Variants in GCC2 observed in about 807,000 individuals in gnomAD.
The protein encoded by GCC2 is GRIP and coiled-coil domain containing 2, also known as GRIP and coiled-coil domain-containing protein 2.
Under a neutral mutation model 210.6 loss-of-function variants are expected in GCC2, and 120 were observed. The observed-to-expected ratio is 0.57, with a 90% confidence interval of 0.49 to 0.66. The LOEUF is 0.66. GCC2 is among the 30% of genes least tolerant of loss of function. The pLI, the probability that GCC2 is intolerant of heterozygous loss-of-function variation, is 0.00. For missense variants in GCC2, 1,868 were observed against 1,871.9 expected (o/e 1.00, Z 0.04); for synonymous variants, 703 against 652.7 (o/e 1.08, Z -1.17).
intron 9 of GCC2, among the ~76,000 whole-genome samples, chr2:108,476,766 A>G (rs1681551342): frequency 6.6e-6 from 1 of 152,202 alleles, no homozygotes; most frequent in South Asian, 2.1e-4. Context: ...TTGGAGGTCA[A>G]CCAAATAGAC....
At chr2:108,501,776 C>T (rs995854678) in intron 22 of GCC2, among the ~76,000 whole-genome samples, 30 of 152,100 alleles carry the variant, frequency 2.0e-4, no homozygotes, top group African/African-American at 7.0e-4. Context: ...CCTTGAGAAC[C>T]CCTGGTCTAG....
At chr2:108,481,856 G>A (rs1164199289) in intron 10 of GCC2, 40 bp downstream of exon 10, 1 of 1,405,166 alleles carries the variant, frequency 7.1e-7, no homozygotes, top group Non-Finnish European at 9.7e-7. Flanking sequence ...ACTATAACAG[G>A]TATATTTTAA....
intron 7 of GCC2, among the ~76,000 whole-genome samples, chr2:108,474,472 A>G (rs914728371): frequency 7.9e-5 from 12 of 152,246 alleles, no homozygotes; most frequent in Admixed American, 2.0e-4. Context: ...TGTCCATGAC[A>G]TGCTGGAACC....
Position 108,492,662 on chromosome 2 carries a change from G to T in GCC2, c.4319G>T (p.Arg1440Leu). The T allele has an allele frequency of 3.1e-6, 5 of 1,613,906 alleles. No individual in the cohort carries two copies. The highest frequency in any genetic ancestry group is 3.4e-6 in the Non-Finnish European group (4 of 1,179,786). ...CTAACATCCCAGAACGAGGTCCTTC[G>T]AAATAGCTTCCGAGATCAAGTGCGA... ...SQLTSQNEVL[R>L]NSFRDQVRHL... Residue 1440 changes from arginine to leucine, a missense_variant, in exon 19 of 23, where the codon CGA (arginine) becomes CTA (leucine). By Grantham distance (102) the Arg-to-Leu change is moderately radical. Coordinates refer to ENST00000309863, the MANE Select transcript of GCC2 (RefSeq NM_181453.4).
rs11450108 is a variant in GCC2 at position 108,473,996 on chromosome 2, C to CAA, written c.2860+1108_2860+1109dup. Among the ~76,000 whole-genome samples, 127 of 145,966 alleles carry CAA rather than the reference C, an allele frequency of 8.7e-4. 1 individual carries two copies. The highest frequency in any genetic ancestry group is 5.6e-3 in the South Asian group (26 of 4,628). ...GTGAAACCCTGTCTCTACTAAAAATCAAAAAAAAAAAATTAGCCGGGCGTT... is the reference window on the plus strand; with the variant it reads ...GTGAAACCCTGTCTCTACTAAAAATCAAAAAAAAAAAAAATTAGCCGGGCGTT... On this transcript the variant is annotated intron_variant, in intron 7 of 22. Transcript: ENST00000309863.
At chr2:108,468,096 C>T (rs1195741816) in intron 4 of GCC2, among the ~76,000 whole-genome samples, 1 of 149,942 alleles carries the variant, frequency 6.7e-6, no homozygotes, top group South Asian at 2.1e-4. Flanking sequence ...TAGTCTTGCT[C>T]TGTCACCCAG....
chr2:108,461,999 A>ATT (rs527454034), intron 4 of GCC2, among the ~76,000 whole-genome samples: 36 of 133,844 alleles, frequency 2.7e-4, no homozygotes, highest in African/African-American at 6.3e-4. Context: ...CCCCCAGCTA[A>ATT]TTTTTTTTTT....
intron 9 of GCC2, among the ~76,000 whole-genome samples, chr2:108,477,920 C>T (rs967682503): frequency 1.3e-5 from 2 of 152,134 alleles, no homozygotes; most frequent in African/African-American, 4.8e-5. Flanking sequence ...GTGGCACACA[C>T]CTGTAGTCCT....
intron 4 of GCC2, among the ~76,000 whole-genome samples, chr2:108,461,987 C>T (rs1323905932): frequency 1.5e-5 from 2 of 137,018 alleles, no homozygotes; most frequent in East Asian, 3.1e-4. Context: ...CGCCCACCAC[C>T]GCCCCCAGCT....
rs1481167189 is a variant in GCC2 at position 108,475,785 on chromosome 2, C to T, written c.2995C>T (p.Arg999Ter). ...TGTGAAGGAAGAACTTGAATCTCTT[C>T]GATCAGAAAAGGACCAGTTATCTGC... ...QTVKEELESL[R>*]SEKDQLSASM... is the part of the protein sequence containing the mutation. The change falls in exon 9 of 23, where the codon CGA (arginine) becomes TGA (stop). Residue 999 changes from arginine (R) to a stop codon, truncating the protein, a stop_gained. Transcript: ENST00000309863. LOFTEE classifies it high-confidence loss of function. 4 of 1,605,978 alleles carry T rather than the reference C, an allele frequency of 2.5e-6. No individual in the cohort carries two copies. The highest frequency in any genetic ancestry group is 1.1e-5 in the South Asian group (1 of 89,476).
At position 108,469,655 on chromosome 2, in the gene GCC2, C is replaced by G. The variant is rs868736677; in HGVS notation, c.326C>G (p.Ser109Cys). 3 of 1,574,446 alleles carry G rather than the reference C, an allele frequency of 1.9e-6. No individual in the cohort carries two copies. The highest frequency in any genetic ancestry group is 2.6e-6 in the Non-Finnish European group (3 of 1,163,790). ...NIKMKQEVED[S>C]VTKMGDAHKE... is the part of the protein sequence containing the mutation. ...TGTGCTTATTTTTTGTAATAGGATT[C>G]TGTAACAAAGATGGGAGATGCACAT... The change falls in exon 6 of 23, where the codon TCT becomes TGT. Residue 109 changes from serine to cysteine, a missense_variant. By Grantham distance (112) the Ser-to-Cys change is moderately radical (BLOSUM62 -1). This residue lies in a region of GCC2 where 1,847 missense variants were observed against 1,765.2 expected (regional missense o/e 1.05). Coordinates refer to ENST00000309863, the MANE Select transcript of GCC2 (RefSeq NM_181453.4).
intron 6 of GCC2, among the ~76,000 whole-genome samples, chr2:108,472,599 G>T (rs1334192476): frequency 6.6e-6 from 1 of 150,376 alleles, no homozygotes; most frequent in Non-Finnish European, 1.5e-5. Context: ...TCTTGGCCTT[G>T]GTTACTACTT....
chr2:108,470,101 C>G lies in GCC2; in HGVS notation c.772C>G (p.Gln258Glu). ...AGAAGAGGTGAAAGAGTTGATGTGC[C>G]AGATTGAAGCATCAGCTAAGGAACA... ...HQEEVKELMC[Q>E]IEASAKEHEA... Residue 258 changes from glutamine (Q) to glutamate (E), a missense_variant, in exon 6 of 23, where the codon CAG becomes GAG. Transcript: ENST00000309863. 1.2e-6 allele frequency: 2 copies of G among 1,613,364 alleles called. No individual in the cohort carries two copies. The highest frequency in any genetic ancestry group is 1.7e-6 in the Non-Finnish European group (2 of 1,179,604).
intron 17 of GCC2, 98 bp from the exon 18 acceptor site, chr2:108,489,740 T>TA (rs1187550245): frequency 3.0e-6 from 2 of 660,742 alleles, no homozygotes; most frequent in African/African-American, 3.7e-5. Context: ...CATCCAAGAG[T>TA]ATGGCATTGA....
chr2:108,460,115 T>C (rs944210777), intron 4 of GCC2, among the ~76,000 whole-genome samples: 1 of 152,116 alleles, frequency 6.6e-6, no homozygotes, highest in African/African-American at 2.4e-5. Flanking sequence ...CTTTCCAAAG[T>C]GCTGGGATTA....
At chr2:108,469,183 A>AT in intron 5 of GCC2, 99 bp downstream of exon 5, 1 of 585,624 alleles carries the variant, frequency 1.7e-6, no homozygotes, top group Non-Finnish European at 2.9e-6. Context: ...TCTGATTAAT[A>AT]TTTTATAATA....
At position 108,472,020 on chromosome 2, in the gene GCC2, A is replaced by C; in HGVS notation, c.2691A>C (p.Glu897Asp). The C allele has an allele frequency of 6.3e-7, 1 of 1,596,142 alleles. No individual in the cohort carries two copies. Among genetic ancestry groups the C allele is most frequent in the Admixed American group, 1.8e-5 (1 of 55,400 alleles). ...GTAGCAAAAGTGAAATCCATAATGA[A>C]AAAGAAAAATGTTTTATAAAGGAAC... Reference protein sequence around the residue: ...QTCSKSEIHNEKEKCFIKEHE... With the variant: ...QTCSKSEIHNDKEKCFIKEHE... Residue 897 changes from glutamate to aspartate, a missense_variant, in exon 6 of 23, where the codon GAA (glutamate) becomes GAC (aspartate). By Grantham distance (45) the Glu-to-Asp change is conservative (BLOSUM62 2). Coordinates refer to ENST00000309863, the MANE Select transcript of GCC2 (RefSeq NM_181453.4).
chr2:108,497,247 G>C, intron 21 of GCC2, 138 bp downstream of exon 21: 1 of 1,412,294 alleles, frequency 7.1e-7, no homozygotes, highest in Non-Finnish European at 9.9e-7. Context: ...CTCCCGAGTA[G>C]CTGGGACTAC....
chr2:108,455,789 A>G (rs1377461762), intron 4 of GCC2, among the ~76,000 whole-genome samples: 1 of 152,160 alleles, frequency 6.6e-6, no homozygotes. Flanking sequence ...TCCATTGTGT[A>G]TATATACCAC....
Sources: allele counts gnomAD v4.1 joint callset (sites outside exome capture counted in the v4.1 genomes callset), GRCh38; gene constraint gnomAD v4.1.1; regional missense constraint gnomAD v4.1.1; transcripts MANE v1.5; gene names NCBI Gene and HGNC (gene_info 2026-07-23, HGNC 2026-07-21).